Variants in SMG6 observed in about 807,000 individuals in gnomAD.
SMG6 encodes the protein telomerase-binding protein EST1A.
Under a neutral mutation model 142.2 loss-of-function variants are expected in SMG6, and 66 were observed. That is an observed-to-expected ratio of 0.46 (90% CI 0.38 to 0.57). SMG6 has a LOEUF of 0.57. Ranked by LOEUF, SMG6 falls within the 20% of genes least tolerant of loss-of-function variation. SMG6 has a pLI of 0.00. For synonymous variants in SMG6, 779 were observed against 702.4 expected, an observed-to-expected ratio of 1.11 and a Z score of -1.72; for missense variants, 1,793 against 1,832.0, an observed-to-expected ratio of 0.98 and a Z score of 0.39.
intron 1 of SMG6, among the ~76,000 whole-genome samples, chr17:2,301,119 A>C (rs879660177): frequency 6.6e-6 from 1 of 152,222 alleles, no homozygotes; most frequent in Non-Finnish European, 1.5e-5. Flanking sequence ...TTCTTTTAAC[A>C]TAACAGCAGG....
chr17:2,101,484 A>G (rs1567598723), intron 13 of SMG6: 2 of 152,228 alleles, frequency 1.3e-5, no homozygotes, highest in African/African-American at 4.8e-5. Context: ...GATGATGTAG[A>G]TGAGGAAACT....
chr17:2,284,855 C>T (rs1012131816), intron 6 of SMG6, among the ~76,000 whole-genome samples: 1 of 152,168 alleles, frequency 6.6e-6, no homozygotes, highest in Non-Finnish European at 1.5e-5. Context: ...ATTTGGCACA[C>T]CATTACAGTT....
intron 13 of SMG6, among the ~76,000 whole-genome samples, chr17:2,153,216 A>G (rs960763696): frequency 2.0e-5 from 3 of 152,052 alleles, no homozygotes; most frequent in Non-Finnish European, 2.9e-5. Context: ...AGTGTAGTCT[A>G]TGTGTGGCCC....
chr17:2,268,887 G>A lies in SMG6; in HGVS notation c.2661+13760C>T, dbSNP rs546012968. 2.7e-5 allele frequency among the ~76,000 whole-genome samples: 4 copies of A among 148,390 alleles called. No homozygotes were observed. In the East Asian group the frequency reaches 8.1e-4, roughly 30 times the overall value. On this transcript the variant is annotated intron_variant, in intron 8 of 18. Transcript: ENST00000263073. ...AGATCACGCCAGTGCACTCCAGCCT[G>A]GGCGACAGAGTTAGACTTCGTCTCA...
At chr17:2,248,054 C>T (rs760775474) in intron 8 of SMG6, among the ~76,000 whole-genome samples, 6 of 151,900 alleles carry the variant, frequency 3.9e-5, no homozygotes, top group Non-Finnish European at 7.4e-5. Context: ...TGCAGTGAGC[C>T]GAGATCACAC....
chr17:2,106,365 G>T (rs1176893698), intron 13 of SMG6, among the ~76,000 whole-genome samples: 2 of 152,128 alleles, frequency 1.3e-5, no homozygotes, highest in East Asian at 3.8e-4. Context: ...CCACCAACGT[G>T]CCTTTTAATA....
intron 13 of SMG6, among the ~76,000 whole-genome samples, chr17:2,154,222 G>A (rs1254292650): frequency 6.8e-6 from 1 of 147,844 alleles, no homozygotes; most frequent in Non-Finnish European, 1.5e-5. Flanking sequence ...GAGTGTGACG[G>A]TGACTGGGAA....
chr17:2,111,202 TAA>T (rs72327568), intron 13 of SMG6, among the ~76,000 whole-genome samples: 46,731 of 151,944 alleles, frequency 0.31, 8,848 homozygotes, highest in African/African-American at 0.54. Context: ...CCATGGAACT[TAA>T]AACATTTTTC....
chr17:2,245,129 T>C (rs2073900549), intron 8 of SMG6, among the ~76,000 whole-genome samples: 1 of 152,230 alleles, frequency 6.6e-6, no homozygotes, highest in Non-Finnish European at 1.5e-5. Flanking sequence ...GGGTTATTTT[T>C]CTACCTACCT....
intron 10 of SMG6, among the ~76,000 whole-genome samples, chr17:2,191,128 A>T (rs1028777282): frequency 4.5e-4 from 68 of 152,218 alleles, no homozygotes; most frequent in Admixed American, 4.2e-3. Flanking sequence ...AGGACCTTTC[A>T]ATAGGGTAAA....
intron 15 of SMG6, among the ~76,000 whole-genome samples, chr17:2,076,802 C>T (rs1567577424): frequency 1.3e-5 from 2 of 152,212 alleles, no homozygotes; most frequent in African/African-American, 4.8e-5. Context: ...CAGCTTGGTG[C>T]ATGTGGGGCC....
chr17:2,302,547 T>C (rs147958743), intron 1 of SMG6, among the ~76,000 whole-genome samples: 29 of 152,180 alleles, frequency 1.9e-4, no homozygotes, highest in African/African-American at 7.0e-4. Context: ...TCTCAAAAAA[T>C]AATAATAACA....
intron 13 of SMG6, among the ~76,000 whole-genome samples, chr17:2,149,349 CAAAAAAAAAAA>C (rs1178295829): frequency 2.4e-4 from 17 of 71,122 alleles, no homozygotes; most frequent in Admixed American, 2.3e-3. Context: ...GATTCCCCCT[CAAAAAAAAAAA>C]AAAAAAAAAA....
At chr17:2,136,887 G>T (rs1017296981) in intron 13 of SMG6, among the ~76,000 whole-genome samples, 2 of 152,184 alleles carry the variant, frequency 1.3e-5, no homozygotes, top group Non-Finnish European at 2.9e-5. Context: ...GGTCAGGCAT[G>T]ATGGCTCACG....
chr17:2,299,516 C>A lies in SMG6; in HGVS notation c.1237G>T (p.Ala413Ser). The change falls in exon 2 of 19, where the codon GCC (alanine) becomes TCC (serine). Residue 413 changes from alanine (A) to serine (S), a missense_variant. By Grantham distance (99) the Ala-to-Ser change is moderately conservative (BLOSUM62 1). Transcript: ENST00000263073. This position sits in a 1 kb window ranked among gnomAD's most constrained non-coding sequence, Gnocchi z 4.3. The stretch of plus-strand genomic sequence containing the variant: ...GAATTGACAGATAGGGTGGTATGGG[C>A]AGGCAAAATCAGAATGCCACGACCA... ...GRGRGILILP[A>S]HTTLSVNSAG... The A allele has an allele frequency of 1.2e-6, 2 of 1,614,146 alleles. No homozygotes were observed. The highest frequency in any genetic ancestry group is 8.5e-7 in the Non-Finnish European group (1 of 1,180,026).
At chr17:2,120,133 G>A (rs1262124257) in intron 13 of SMG6, among the ~76,000 whole-genome samples, 2 of 152,204 alleles carry the variant, frequency 1.3e-5, no homozygotes, top group African/African-American at 4.8e-5. Flanking sequence ...GAGGAGAACC[G>A]AGTAGAAGAT....
intron 14 of SMG6, among the ~76,000 whole-genome samples, chr17:2,084,130 G>A (rs1000986939): frequency 2.0e-5 from 3 of 152,232 alleles, no homozygotes; most frequent in Non-Finnish European, 4.4e-5. Flanking sequence ...CTGGATTTGG[G>A]ACTGCAGGCT....
intron 13 of SMG6, among the ~76,000 whole-genome samples, chr17:2,138,017 G>C (rs2070360463): frequency 6.6e-6 from 1 of 152,150 alleles, no homozygotes; most frequent in African/African-American, 2.4e-5. Context: ...CAATCGAATT[G>C]TCCAGTGTGT....
At chr17:2,066,902 C>T (rs965607382) in intron 16 of SMG6, among the ~76,000 whole-genome samples, 1 of 152,258 alleles carries the variant, frequency 6.6e-6, no homozygotes, top group African/African-American at 2.4e-5. Context: ...GGCGGGGCTT[C>T]TCCACGCTGG....
Sources: gnomAD v4.1 joint callset for allele counts (sites outside exome capture counted in the v4.1 genomes callset) on GRCh38, gnomAD v4.1.1 for gene constraint, Gnocchi (gnomAD v3.1) non-coding constraint, MANE v1.5 for transcripts, NCBI Gene and HGNC (gene_info 2026-07-23, HGNC 2026-07-21) for gene names.